The following GRB7 variants were observed in gnomAD, a reference collection of about 807,000 sequenced individuals.
GRB7 encodes the protein growth factor receptor-bound protein 7.
Under a neutral mutation model 64.1 loss-of-function variants are expected in GRB7, and 47 were observed. That is an observed-to-expected ratio of 0.73 (90% CI 0.58 to 0.94). GRB7 has a LOEUF of 0.94. Ranked by LOEUF, GRB7 falls within the 40% of genes least tolerant of loss-of-function variation. GRB7 has a pLI of 0.00. For missense variants in GRB7, 634 were observed against 718.4 expected (o/e 0.88, Z 1.34); for synonymous variants, 277 against 279.9 (o/e 0.99, Z 0.10).
chr17:39,742,894 G>A lies in GRB7; in HGVS notation c.307-4G>A, dbSNP rs79559255. On this transcript the variant is annotated splice_region_variant and splice_polypyrimidine_tract_variant and intron_variant, in intron 3 of 14. Coordinates refer to ENST00000309156, the MANE Select transcript of GRB7 (RefSeq NM_005310.5). ...TCAAGTCGTGTGCAATTCCTGGGGCGCAGGTAGTAAAGGTGTACAGTGAGG... is the reference window on the plus strand; with the variant it reads ...TCAAGTCGTGTGCAATTCCTGGGGCACAGGTAGTAAAGGTGTACAGTGAGG... 3,532 of 1,573,504 alleles carry A rather than the reference G, an allele frequency of 2.2e-3. 70 individuals are homozygous for A. The African/African-American group carries it at 0.042, about 19-fold the overall frequency.
intron 6 of GRB7, 135 bp downstream of exon 6, chr17:39,743,605 T>G (rs1339821628): frequency 2.8e-6 from 2 of 714,196 alleles, no homozygotes; most frequent in Non-Finnish European, 5.0e-6. Context: ...CTGGGGACAG[T>G]CACTTTCCCT....
At chr17:39,744,686 C>T (rs924776945) in intron 8 of GRB7, 23 bp downstream of exon 8, 2 of 1,562,814 alleles carry the variant, frequency 1.3e-6, no homozygotes, top group African/African-American at 2.7e-5. Flanking sequence ...CCAGGCCTGG[C>T]CCCTGGCCTG....
chr17:39,738,922 C>T, intron 1 of GRB7: 2 of 1,531,490 alleles, frequency 1.3e-6, no homozygotes, highest in Non-Finnish European at 1.7e-6. Flanking sequence ...AAGTGGAGGC[C>T]GGGTGAGACG....
chr17:39,742,774 T>C (rs1425726723), intron 3 of GRB7, 58 bp downstream of exon 3: 3 of 1,525,376 alleles, frequency 2.0e-6, no homozygotes, highest in Non-Finnish European at 2.6e-6. Context: ...CTGTGGGAGA[T>C]ACACAGCCGC....
chr17:39,740,298 G>T (rs772962662), intron 1 of GRB7: 24 of 324,150 alleles, frequency 7.4e-5, no homozygotes, highest in Non-Finnish European at 1.1e-4. Context: ...CCCCTCCCTG[G>T]CCTTTCATCC....
In GRB7 at chr17:39,744,112, C is replaced by G; in HGVS notation, c.706C>G (p.Leu236Val). The G allele has an allele frequency of 1.9e-6, 3 of 1,614,210 alleles. No homozygotes were observed. Among genetic ancestry groups the G allele is most frequent in the Admixed American group, 1.7e-5 (1 of 60,024 alleles). The change falls in exon 7 of 15, where the codon CTG becomes GTG. Residue 236 changes from leucine (L) to valine (V), a missense_variant. By Grantham distance (32) the Leu-to-Val change is conservative. Coordinates refer to ENST00000309156, the MANE Select transcript of GRB7 (RefSeq NM_005310.5). Reference protein sequence around the residue: ...AGSFPEIQGFLQLRGSGRKLW... With the variant: ...AGSFPEIQGFVQLRGSGRKLW... ...CAGCTTTCCTGAGATCCAGGGCTTT[C>G]TGCAGCTGCGGGGTTCAGGACGGAA...
chr17:39,746,202 G>T lies in GRB7; in HGVS notation c.1452G>T (p.Pro484=). ...AAGTGAAGCATTATCTCATCCTGCC[G>T]GTGAGCTTCCCTGCGTCCCCGGAGT... ...LQKVKHYLIL[P]SEEEGRLYFS... is the part of the protein sequence containing the mutation. Residue 484 remains proline (P), a splice_region_variant and synonymous_variant, in exon 14 of 15, where the codon CCG becomes CCT. Coordinates refer to ENST00000309156, the MANE Select transcript of GRB7 (RefSeq NM_005310.5). The T allele has an allele frequency of 6.2e-7, 1 of 1,612,966 alleles. No individual in the cohort carries two copies. The highest frequency in any genetic ancestry group is 8.5e-7 in the Non-Finnish European group (1 of 1,179,084).
chr17:39,744,058 C>G lies in GRB7; in HGVS notation c.664-12C>G. On this transcript the variant is annotated splice_polypyrimidine_tract_variant and intron_variant, in intron 6 of 14. Coordinates refer to ENST00000309156, the MANE Select transcript of GRB7 (RefSeq NM_005310.5). ...CAGACCTGTCACTCTCCTCTGCTCT[C>G]CTCTGGCTCAGAACTTCCTGAATGC... The G allele has an allele frequency of 1.2e-6, 2 of 1,614,102 alleles. No individual in the cohort carries two copies. Among genetic ancestry groups the G allele is most frequent in the Non-Finnish European group, 1.7e-6 (2 of 1,179,988 alleles).
chr17:39,742,840 A>G (rs904070265), intron 3 of GRB7, 58 bp from the exon 4 acceptor site: 1 of 1,538,960 alleles, frequency 6.5e-7, no homozygotes, highest in Admixed American at 2.0e-5. Context: ...GCAGGTGCGG[A>G]AAGGGAATGA....
intron 1 of GRB7, chr17:39,739,905 G>A: frequency 1.4e-6 from 1 of 726,836 alleles, no homozygotes; most frequent in East Asian, 1.3e-4. Context: ...CACCCCATTG[G>A]TCTTGACGAT....
intron 1 of GRB7, among the ~76,000 whole-genome samples, chr17:39,741,204 G>T (rs1257091903): frequency 1.3e-5 from 2 of 152,208 alleles, no homozygotes; most frequent in East Asian, 3.9e-4. Flanking sequence ...AGTAATGGAT[G>T]ATGCGGCCCC....
rs1424673983 is a variant in GRB7, at chr17:39,742,403, T to C, written c.102T>C (p.Pro34=). ...GGACTCCCCGGCCCCCTGATACCCC[T>C]CTGCCTGAGGAGGTAAAGAGGTCCC... The part of the protein sequence containing the change: ...PPGTPRPPDT[P]LPEEVKRSQP... Residue 34 remains proline, a synonymous_variant, in exon 2 of 15, where the codon CCT becomes CCC. Transcript: ENST00000309156. 1 of 1,613,846 alleles carries C rather than the reference T, an allele frequency of 6.2e-7. No homozygotes were observed. Among genetic ancestry groups the C allele is most frequent in the South Asian group, 1.1e-5 (1 of 91,082 alleles).
intron 9 of GRB7, 31 bp from the exon 10 acceptor site, chr17:39,745,212 C>T: frequency 6.4e-7 from 1 of 1,554,714 alleles, no homozygotes; most frequent in Non-Finnish European, 8.7e-7. Flanking sequence ...GACCTCTCGA[C>T]CTCAAGCTCT....
intron 5 of GRB7, 45 bp from the exon 6 acceptor site, chr17:39,743,348 A>G: frequency 1.2e-6 from 2 of 1,614,140 alleles, no homozygotes; most frequent in Non-Finnish European, 1.7e-6. Context: ...CTGATCCTCA[A>G]CCTGGATGCT....
At chr17:39,740,456 G>A (rs2059985412) in intron 1 of GRB7, among the ~76,000 whole-genome samples, 1 of 152,144 alleles carries the variant, frequency 6.6e-6, no homozygotes, top group South Asian at 2.1e-4. Flanking sequence ...GGGCACCGCC[G>A]GGATGCTGGC....
Position 39,747,208 on chromosome 17 carries a change from C to T in GRB7, c.*311C>T. 1 of 438,276 alleles carries T rather than the reference C, an allele frequency of 2.3e-6. No homozygotes were observed. The highest frequency in any genetic ancestry group is 4.1e-6 in the Non-Finnish European group (1 of 244,742). The allele number at this position is 438,276 out of a possible 1,614,324, so 27.1% of individuals were successfully genotyped here. On this transcript the variant is annotated 3_prime_UTR_variant, in exon 15 of 15. Coordinates refer to ENST00000309156, the MANE Select transcript of GRB7 (RefSeq NM_005310.5). The stretch of plus-strand genomic sequence containing the variant: ...GGGCAGCCCAGGCGGTTTCACGCCC[C>T]ACACTTTGTACAGACCGAGAGGCCA...
chr17:39,745,955 G>A lies in GRB7; in HGVS notation c.1313G>A (p.Arg438His), dbSNP rs764104340. ...CTCTGGTTCCACGGGCGCATTTCCC[G>A]TGAGGAGAGCCAGCGGCTTATTGGA... Reference protein sequence around the residue: ...TQLWFHGRISREESQRLIGQQ... With the variant: ...TQLWFHGRISHEESQRLIGQQ... Residue 438 changes from arginine to histidine, a missense_variant, in exon 13 of 15, where the codon CGT (arginine) becomes CAT (histidine). Around this residue, in one of 2 missense-constraint regions of GRB7, gnomAD observed 467 missense variants for 576.6 expected, o/e 0.81. Transcript: ENST00000309156. 2.0e-5 allele frequency: 32 copies of A among 1,614,068 alleles called. No homozygotes were observed. Among genetic ancestry groups the A allele is most frequent in the Non-Finnish European group, 2.5e-5 (30 of 1,179,940 alleles).
In GRB7 at chr17:39,742,820, T is replaced by A. The variant is rs2060007995; in HGVS notation, c.307-78T>A. On this transcript the variant is annotated intron_variant, in intron 3 of 14. Coordinates refer to ENST00000309156, the MANE Select transcript of GRB7 (RefSeq NM_005310.5). ...GCAGGGGATCTTGGTTAGGAGTCCC[T>A]GAGGGTCTAGCAGGTGCGGAAAGGG... The A allele has an allele frequency of 2.0e-6, 3 of 1,531,116 alleles. No individual in the cohort carries two copies. In the South Asian group the frequency reaches 3.8e-5, roughly 19 times the overall value. 94.8% of individuals were successfully genotyped at this position (1,531,116 alleles called of 1,614,324 possible). A position where few individuals can be genotyped will look rare whatever the true frequency, so the allele number is the denominator to read the frequency against.
In GRB7 at chr17:39,745,000, T is replaced by A; in HGVS notation, c.1011+16T>A. 1 of 1,601,086 alleles carries A rather than the reference T, an allele frequency of 6.2e-7. No homozygotes were observed. The highest frequency in any genetic ancestry group is 8.6e-7 in the Non-Finnish European group (1 of 1,169,240). On this transcript the variant is annotated intron_variant, in intron 9 of 14. Coordinates refer to ENST00000309156, the MANE Select transcript of GRB7 (RefSeq NM_005310.5). ...CCTCTTCAAGGTGAGACCCTGGGAG[T>A]GGCATGGGGGGCTGGCCTGGCCAGA... is the stretch of plus-strand genomic sequence containing the variant.
Sources: gnomAD v4.1 joint callset for allele counts (sites outside exome capture counted in the v4.1 genomes callset) on GRCh38, gnomAD v4.1.1 for gene constraint, gnomAD v4.1.1 regional missense constraint, MANE v1.5 for transcripts, NCBI Gene and HGNC (gene_info 2026-07-23, HGNC 2026-07-21) for gene names.